CBR1: variants seen among roughly 807,000 people sequenced by gnomAD.
CBR1 encodes carbonyl reductase 1, also known as carbonyl reductase [NADPH] 1.
In CBR1, 11 loss-of-function variants were observed where a neutral mutation model predicts 10.6. That is an observed-to-expected ratio of 1.03 (90% CI 0.65 to 1.71). The LOEUF (loss-of-function observed/expected upper bound fraction) is 1.71, where lower values mean the gene tolerates loss of function less well. CBR1 is among the 40% of genes most tolerant of loss of function. The pLI is 0.00. For missense variants in CBR1, 361 were observed against 368.6 expected (o/e 0.98, Z 0.17); for synonymous variants, 158 against 156.7 (o/e 1.01, Z -0.06).
intron 2 of CBR1, chr21:36,071,735 C>A: frequency 1.1e-6 from 1 of 930,888 alleles, no homozygotes; most frequent in Non-Finnish European, 1.7e-6. Context: ...TACAGCAGGC[C>A]CTCACCTGTC....
In CBR1 at chr21:36,073,032, A is replaced by G. The variant is rs2065365670; in HGVS notation, c.*150A>G. 6 of 521,152 alleles carry G rather than the reference A, an allele frequency of 1.2e-5. No homozygotes were observed. The South Asian group carries it at 2.1e-4, about 18-fold the overall frequency. 32.3% of individuals were successfully genotyped at this position (521,152 alleles called of 1,614,324 possible). On this transcript the variant is annotated 3_prime_UTR_variant, in exon 3 of 3. Coordinates refer to ENST00000290349, the MANE Select transcript of CBR1 (RefSeq NM_001757.4). ...TCACTAATGTACTACTAATTGAGCA[A>G]CCTACGCACTCAGTTGACTACGTAA...
chr21:36,071,267 G>A (rs1005695), intron 2 of CBR1: 1 of 690,688 alleles, frequency 1.4e-6, no homozygotes, highest in Admixed American at 2.0e-5. Context: ...CCTCCCTGTC[G>A]CACTGGTCTT....
chr21:36,070,914 C>A, intron 1 of CBR1, 36 bp from the exon 2 acceptor site: 2 of 1,086,462 alleles, frequency 1.8e-6, no homozygotes, highest in Non-Finnish European at 2.8e-6. Flanking sequence ...CCCATGGGTA[C>A]AATGTATTAA....
rs147519087 is a variant in CBR1, at chr21:36,072,871, G to A, written c.823G>A (p.Glu275Lys). The change falls in exon 3 of 3, where the codon GAA becomes AAA. Residue 275 changes from glutamate (E) to lysine (K), a missense_variant. Coordinates refer to ENST00000290349, the MANE Select transcript of CBR1 (RefSeq NM_001757.4). ...ACAATTTGTTTCAGAGAAGAGAGTT[G>A]AACAGTGGTGAGCTGGGCTCACAGC... ...HGQFVSEKRV[E>K]QW 23 of 1,611,876 alleles carry A rather than the reference G, an allele frequency of 1.4e-5. No homozygotes were observed. Among genetic ancestry groups the A allele is most frequent in the African/African-American group, 4.0e-5 (3 of 74,840 alleles).
chr21:36,072,889 C>A lies in CBR1; in HGVS notation c.*7C>A. 6.3e-7 allele frequency: 1 copy of A among 1,591,664 alleles called. No individual in the cohort carries two copies. Among genetic ancestry groups the A allele is most frequent in the Admixed American group, 1.7e-5 (1 of 57,566 alleles). On this transcript the variant is annotated 3_prime_UTR_variant, in exon 3 of 3. Transcript: ENST00000290349. ...GAGAGTTGAACAGTGGTGAGCTGGG[C>A]TCACAGCTCCATCCATGGGCCCCAT...
intron 2 of CBR1, 138 bp from the exon 3 acceptor site, chr21:36,072,308 G>T (rs765787444): frequency 3.2e-6 from 5 of 1,565,672 alleles, no homozygotes; most frequent in Non-Finnish European, 4.3e-6. Flanking sequence ...CTTTCTATGC[G>T]TATTCCTCTT....
chr21:36,070,290 T>A lies in CBR1; in HGVS notation c.175T>A (p.Phe59Ile). 1 of 1,612,884 alleles carries A rather than the reference T, an allele frequency of 6.2e-7. No homozygotes were observed. Among genetic ancestry groups the A allele is most frequent in the East Asian group, 2.2e-5 (1 of 44,850 alleles). Residue 59 changes from phenylalanine (F) to isoleucine (I), a missense_variant, in exon 1 of 3, where the codon TTC (phenylalanine) becomes ATC (isoleucine). Physicochemically the swap from Phe to Ile is conservative, Grantham distance 21 (BLOSUM62 0). Transcript: ENST00000290349. ...GCAGGCGGAGGGCCTGAGCCCGCGC[T>A]TCCACCAGCTGGACATCGACGATCT... Reference protein sequence around the residue: ...QLQAEGLSPRFHQLDIDDLQS... With the variant: ...QLQAEGLSPRIHQLDIDDLQS...
At position 36,070,339 on chromosome 21, in the gene CBR1, A is replaced by T. The variant is rs1455517132; in HGVS notation, c.224A>T (p.Asp75Val). ...CTGCAGAGCATCCGCGCCCTGCGCG[A>T]CTTCCTGCGCAAGGAGTACGGGGGC... ...DDLQSIRALR[D>V]FLRKEYGGLD... is the part of the protein sequence containing the mutation. Residue 75 changes from aspartate to valine, a missense_variant, in exon 1 of 3, where the codon GAC (aspartate) becomes GTC (valine). Asp to Val is a radical substitution (Grantham distance 152). Coordinates refer to ENST00000290349, the MANE Select transcript of CBR1 (RefSeq NM_001757.4). 6.2e-6 allele frequency: 10 copies of T among 1,613,254 alleles called. No homozygotes were observed.
At chr21:36,072,301 T>G (rs771751330) in intron 2 of CBR1, 145 bp from the exon 3 acceptor site, 1 of 1,559,516 alleles carries the variant, frequency 6.4e-7, no homozygotes, top group South Asian at 1.2e-5. Context: ...CACCACACTT[T>G]CTATGCGTAT....
In CBR1 at chr21:36,070,084, C is replaced by A. The variant is rs1282390751; in HGVS notation, c.-32C>A. 1.4e-6 allele frequency: 2 copies of A among 1,473,066 alleles called. No homozygotes were observed. The highest frequency in any genetic ancestry group is 5.0e-5 in the East Asian group (2 of 40,114). The allele number at this position is 1,473,066 out of a possible 1,614,324, so 91.2% of individuals were successfully genotyped here. A position where few individuals can be genotyped will look rare whatever the true frequency, so the allele number is the denominator to read the frequency against. Reference sequence around the variant, plus strand: ...CCCGGGCCTGAGCCAGGTCTGTTCTCCACGCAGGTGTTCCGCGCGCCCCGT... The same window carrying A: ...CCCGGGCCTGAGCCAGGTCTGTTCTACACGCAGGTGTTCCGCGCGCCCCGT... On this transcript the variant is annotated 5_prime_UTR_variant, in exon 1 of 3. Transcript: ENST00000290349.
intron 2 of CBR1, chr21:36,071,697 T>G (rs1368995297): frequency 4.4e-6 from 3 of 680,602 alleles, no homozygotes; most frequent in Non-Finnish European, 7.6e-6. Flanking sequence ...CCCACTGAGT[T>G]CCTCCTGAAT....
At chr21:36,071,327 T>G (rs1187509048) in intron 2 of CBR1, 1 of 629,612 alleles carries the variant, frequency 1.6e-6, no homozygotes, top group Non-Finnish European at 2.9e-6. Context: ...AAACGTCTCC[T>G]GAGAGATGCT....
chr21:36,070,076 T>G lies in CBR1; in HGVS notation c.-40T>G. 6.8e-7 allele frequency: 1 copy of G among 1,462,856 alleles called. No homozygotes were observed. The highest frequency in any genetic ancestry group is 9.1e-7 in the Non-Finnish European group (1 of 1,103,328). 90.6% of individuals were successfully genotyped at this position (1,462,856 alleles called of 1,614,324 possible). A position where few individuals can be genotyped will look rare whatever the true frequency, so the allele number is the denominator to read the frequency against. On this transcript the variant is annotated 5_prime_UTR_variant, in exon 1 of 3. Coordinates refer to ENST00000290349, the MANE Select transcript of CBR1 (RefSeq NM_001757.4). ...GCGGGGCTCCCGGGCCTGAGCCAGGTCTGTTCTCCACGCAGGTGTTCCGCG... is the reference window on the plus strand; with the variant it reads ...GCGGGGCTCCCGGGCCTGAGCCAGGGCTGTTCTCCACGCAGGTGTTCCGCG...
rs2065342780 is a variant in CBR1, at chr21:36,070,420, G to T, written c.289+16G>T. 2 of 1,571,092 alleles carry T rather than the reference G, an allele frequency of 1.3e-6. No individual in the cohort carries two copies. Among genetic ancestry groups the T allele is most frequent in the African/African-American group, 2.7e-5 (2 of 73,698 alleles). On this transcript the variant is annotated intron_variant, in intron 1 of 2. Coordinates refer to ENST00000290349, the MANE Select transcript of CBR1 (RefSeq NM_001757.4). The stretch of plus-strand genomic sequence containing the variant: ...GCCTTCAAGGGTATGGGGAGGGGAC[G>T]TGGCCTCCCCGAAGAAGAACCGATG...
chr21:36,072,900 A>C lies in CBR1; in HGVS notation c.*18A>C. The C allele has an allele frequency of 6.4e-7, 1 of 1,559,320 alleles. No homozygotes were observed. Among genetic ancestry groups the C allele is most frequent in the Non-Finnish European group, 8.8e-7 (1 of 1,140,030 alleles). ...AGTGGTGAGCTGGGCTCACAGCTCC[A>C]TCCATGGGCCCCATTTTGTACCTTG... On this transcript the variant is annotated 3_prime_UTR_variant, in exon 3 of 3. Transcript: ENST00000290349.
chr21:36,071,200 T>C, intron 2 of CBR1, 143 bp downstream of exon 2: 3 of 721,586 alleles, frequency 4.2e-6, no homozygotes, highest in East Asian at 2.7e-5. Flanking sequence ...CCAGCTGATA[T>C]GTGCCATTTT....
Position 36,072,526 on chromosome 21 carries a change from A to G in CBR1, c.478A>G (p.Ser160Gly). ...CSPELQQKFR[S>G]ETITEEELVG... is the part of the protein sequence containing the mutation. ...CCCAGAGCTGCAGCAGAAGTTCCGC[A>G]GTGAGACCATCACTGAGGAGGAGCT... The change falls in exon 3 of 3, where the codon AGT (serine) becomes GGT (glycine). Residue 160 changes from serine (S) to glycine (G), a missense_variant. By Grantham distance (56) the Ser-to-Gly change is moderately conservative (BLOSUM62 0). Coordinates refer to ENST00000290349, the MANE Select transcript of CBR1 (RefSeq NM_001757.4). 6.2e-7 allele frequency: 1 copy of G among 1,606,140 alleles called. No homozygotes were observed. The highest frequency in any genetic ancestry group is 8.5e-7 in the Non-Finnish European group (1 of 1,176,890).
Position 36,070,316 on chromosome 21 carries a change from G to A in CBR1, c.201G>A (p.Leu67=), listed in dbSNP as rs1367719898. 1.2e-6 allele frequency: 2 copies of A among 1,613,356 alleles called. No homozygotes were observed. Among genetic ancestry groups the A allele is most frequent in the East Asian group, 2.2e-5 (1 of 44,868 alleles). The change falls in exon 1 of 3, where the codon CTG becomes CTA. Residue 67 remains leucine (L), a synonymous_variant. Transcript: ENST00000290349. ...PRFHQLDIDD[L]QSIRALRDFL... is the part of the protein sequence containing the mutation. ...TCCACCAGCTGGACATCGACGATCTGCAGAGCATCCGCGCCCTGCGCGACT... is the reference window on the plus strand; with the variant it reads ...TCCACCAGCTGGACATCGACGATCTACAGAGCATCCGCGCCCTGCGCGACT...
intron 2 of CBR1, 58 bp downstream of exon 2, chr21:36,071,115 G>A: frequency 8.6e-7 from 1 of 1,162,098 alleles, no homozygotes; most frequent in South Asian, 1.2e-5. Context: ...GCCCCTGCTT[G>A]CCTGGGATTT....
Sources: gnomAD v4.1 joint callset for allele counts on GRCh38, gnomAD v4.1.1 for gene constraint, MANE v1.5 for transcripts, NCBI Gene and HGNC (gene_info 2026-07-23, HGNC 2026-07-21) for gene names.